The following AFG2A variants were observed in gnomAD, a reference collection of about 807,000 sequenced individuals.
AFG2A encodes AAA ATPase AFG2A, also known as ATPase family gene 2 protein homolog A.
At chr4:123,096,838 G>C in the AFG2A span, among the ~76,000 whole-genome samples, 2 of 152,120 alleles carry the variant, frequency 1.3e-5, no homozygotes, top group Non-Finnish European at 2.9e-5. Flanking sequence ...TGTTGTGTTA[G>C]ACTCATGGAG....
the AFG2A span, among the ~76,000 whole-genome samples, chr4:123,217,702 A>G: frequency 1.3e-5 from 2 of 152,282 alleles, no homozygotes; most frequent in Admixed American, 6.5e-5. Flanking sequence ...CTTAGAAGCA[A>G]TCACATTTTT....
chr4:122,930,090 G>A, the AFG2A span, among the ~76,000 whole-genome samples: 1 of 152,166 alleles, frequency 6.6e-6, no homozygotes, highest in Admixed American at 6.5e-5. Context: ...TTTTAATTAA[G>A]ACTATGCAAG....
chr4:123,052,863 C>T, the AFG2A span, among the ~76,000 whole-genome samples: 2 of 152,168 alleles, frequency 1.3e-5, no homozygotes, highest in Non-Finnish European at 1.5e-5. Context: ...GGGAAGCTGA[C>T]AGTGTAGCCT....
the AFG2A span, among the ~76,000 whole-genome samples, chr4:122,969,896 C>G: frequency 5.3e-5 from 8 of 152,116 alleles, no homozygotes; most frequent in Non-Finnish European, 1.2e-4. Context: ...AGTATAGTCA[C>G]GGACTGCATA....
the AFG2A span, among the ~76,000 whole-genome samples, chr4:123,126,012 G>C: frequency 6.6e-6 from 1 of 152,140 alleles, no homozygotes; most frequent in South Asian, 2.1e-4. Flanking sequence ...GAACATACAG[G>C]GACTCCTTGT....
the AFG2A span, among the ~76,000 whole-genome samples, chr4:122,982,579 G>T: frequency 1.3e-5 from 2 of 152,264 alleles, no homozygotes; most frequent in South Asian, 2.1e-4. Context: ...TTAAAGAAGT[G>T]ATGCTAATGC....
At chr4:123,086,434 A>G in the AFG2A span, among the ~76,000 whole-genome samples, 4 of 152,150 alleles carry the variant, frequency 2.6e-5, no homozygotes, top group Non-Finnish European at 4.4e-5. Context: ...ACCCCTCGAC[A>G]TATGACTTCT....
At chr4:123,247,224 C>CGT in the AFG2A span, among the ~76,000 whole-genome samples, 3,633 of 149,730 alleles carry the variant, frequency 0.024, 72 homozygotes, top group African/African-American at 0.042. Context: ...TACTTGCGTG[C>CGT]GTGTGTGTGT....
At chr4:123,026,475 T>C in the AFG2A span, among the ~76,000 whole-genome samples, 2 of 152,150 alleles carry the variant, frequency 1.3e-5, no homozygotes, top group Admixed American at 1.3e-4. Flanking sequence ...AATCTCATAA[T>C]ATTTTAACAG....
the AFG2A span, among the ~76,000 whole-genome samples, chr4:123,064,180 TTA>T: frequency 6.6e-6 from 1 of 152,208 alleles, no homozygotes; most frequent in Admixed American, 6.5e-5. Context: ...TTGTCATATT[TTA>T]TATTGTAAGA....
the AFG2A span, among the ~76,000 whole-genome samples, chr4:123,059,598 G>T: frequency 6.6e-6 from 1 of 151,530 alleles, no homozygotes; most frequent in African/African-American, 2.4e-5. Context: ...ATTGTGAATA[G>T]TGCCACAATA....
the AFG2A span, among the ~76,000 whole-genome samples, chr4:122,986,500 G>T: frequency 6.6e-6 from 1 of 152,112 alleles, no homozygotes; most frequent in African/African-American, 2.4e-5. Flanking sequence ...CTCAGGAATG[G>T]AAAAACAAAC....
the AFG2A span, among the ~76,000 whole-genome samples, chr4:123,260,850 C>G: frequency 6.6e-6 from 1 of 152,154 alleles, no homozygotes; most frequent in Non-Finnish European, 1.5e-5. Flanking sequence ...TAGCACTCTC[C>G]TACAGACCAG....
chr4:123,015,951 T>C, the AFG2A span, among the ~76,000 whole-genome samples: 1,467 of 11,812 alleles, frequency 0.12, 186 homozygotes, highest in East Asian at 0.57. Context: ...GAGGCGCCCC[T>C]CACCTCCCGG....
chr4:123,277,044 A>G, the AFG2A span, among the ~76,000 whole-genome samples: 8 of 152,312 alleles, frequency 5.3e-5, no homozygotes, highest in South Asian at 4.1e-4. Context: ...TGATAGGAAT[A>G]GCACTGAATC....
chr4:122,947,528 T>G, the AFG2A span: 4 of 1,441,644 alleles, frequency 2.8e-6, no homozygotes, highest in Non-Finnish European at 3.7e-6. Flanking sequence ...ATTGATGCAC[T>G]TATCTCCAGT....
the AFG2A span, among the ~76,000 whole-genome samples, chr4:123,153,567 G>A: frequency 6.6e-6 from 1 of 151,764 alleles, no homozygotes; most frequent in Non-Finnish European, 1.5e-5. Context: ...CAGATATTAT[G>A]ATAGTTTCCT....
the AFG2A span, among the ~76,000 whole-genome samples, chr4:123,213,146 T>C: frequency 6.6e-6 from 1 of 152,152 alleles, no homozygotes; most frequent in Non-Finnish European, 1.5e-5. Context: ...CTGAATGCTA[T>C]AGTAGTGGTG....
At chr4:123,004,081 C>G in the AFG2A span, among the ~76,000 whole-genome samples, 1 of 152,266 alleles carries the variant, frequency 6.6e-6, no homozygotes, top group East Asian at 1.9e-4. Context: ...TAGGAATCAG[C>G]GAGACTCCGT....
Sources: allele counts gnomAD v4.1 joint callset (sites outside exome capture counted in the v4.1 genomes callset), GRCh38; gene constraint gnomAD v4.1.1; transcripts MANE v1.5; gene names NCBI Gene and HGNC (gene_info 2026-07-23, HGNC 2026-07-21).